The following SCNN1A variants were observed in gnomAD, a reference collection of about 807,000 sequenced individuals.
SCNN1A encodes the protein sodium channel epithelial 1 subunit alpha, also known as epithelial sodium channel subunit alpha.
A neutral mutation model predicts 68.6 loss-of-function variants in SCNN1A; 65 were observed. The ratio of observed to expected loss-of-function variants is 0.95; its 90% CI spans 0.78 to 1.16. SCNN1A has a LOEUF of 1.16. Among genes scored for constraint, SCNN1A ranks in the 50% most tolerant of loss-of-function variants. The pLI is 0.00. For missense variants in SCNN1A, 880 were observed against 865.9 expected, an observed-to-expected ratio of 1.02 and a Z score of -0.20; for synonymous variants, 357 against 353.3, an observed-to-expected ratio of 1.01 and a Z score of -0.12.
chr12:6,364,432 C>T (rs1217490369), intron 2 of SCNN1A, among the ~76,000 whole-genome samples: 2 of 152,114 alleles, frequency 1.3e-5, no homozygotes, highest in African/African-American at 4.8e-5. Flanking sequence ...AACAAGGTTG[C>T]AGGGTACACA....
intron 8 of SCNN1A, chr12:6,349,850 C>T (rs1043765890): frequency 1.1e-5 from 2 of 178,826 alleles, no homozygotes; most frequent in South Asian, 9.8e-5. Context: ...CATCAGCCTC[C>T]GGAGTAGCTG....
chr12:6,352,999 G>C (rs1948415261), intron 8 of SCNN1A, among the ~76,000 whole-genome samples: 1 of 152,232 alleles, frequency 6.6e-6, no homozygotes, highest in African/African-American at 2.4e-5. Flanking sequence ...GGAACTGCAG[G>C]GGGAACAGGC....
chr12:6,377,106 T>A (rs1948925425), upstream of SCNN1A: 6 of 610,018 alleles, frequency 9.8e-6, no homozygotes, highest in Non-Finnish European at 1.7e-5. Context: ...AAGCAAGGAG[T>A]TTAGCAGGCA....
At chr12:6,371,929 T>C (rs1565486959) in intron 2 of SCNN1A, among the ~76,000 whole-genome samples, 1 of 152,122 alleles carries the variant, frequency 6.6e-6, no homozygotes, top group Non-Finnish European at 1.5e-5. Context: ...CCCAAGTAGC[T>C]GGGACTACAG....
chr12:6,375,745 TG>T, upstream of SCNN1A: 2 of 1,412,890 alleles, frequency 1.4e-6, no homozygotes, highest in South Asian at 1.5e-5. Context: ...GCAAGGAGGC[TG>T]GGGGACAGGA....
chr12:6,356,927 G>T (rs1241810883), intron 4 of SCNN1A, among the ~76,000 whole-genome samples: 1 of 152,192 alleles, frequency 6.6e-6, no homozygotes, highest in Non-Finnish European at 1.5e-5. Context: ...GCAGGTCATT[G>T]TTTCTAAGCT....
Position 6,355,400 on chromosome 12 carries a change from A to C in SCNN1A, c.1015T>G (p.Phe339Val), listed in dbSNP as rs764889782. 2 of 1,614,060 alleles carry C rather than the reference A, an allele frequency of 1.2e-6. No homozygotes were observed. Among genetic ancestry groups the C allele is most frequent in the South Asian group, 2.2e-5 (2 of 91,050 alleles). Residue 339 changes from phenylalanine (F) to valine (V), a missense_variant, in exon 6 of 13, where the codon TTC (phenylalanine) becomes GTC (valine). By Grantham distance (50) the Phe-to-Val change is conservative. Transcript: ENST00000228916. ...SLMLRAEQNDFIPLLSTVTGA... is the reference protein window; with the variant it reads ...SLMLRAEQNDVIPLLSTVTGA... ...GTCACTGTGGACAGCAGGGGAATGA[A>C]GTCATTCTGCTCTGCGCGCAGCATC...
In SCNN1A at chr12:6,374,297, T is replaced by G. The variant is rs3741914; in HGVS notation, c.416+71A>C. The G allele has an allele frequency of 1.8e-5, 27 of 1,517,560 alleles. No individual in the cohort carries two copies. The highest frequency in any genetic ancestry group is 2.3e-5 in the Non-Finnish European group (26 of 1,110,634). The allele number at this position is 1,517,560 out of a possible 1,614,324, so 94.0% of individuals were successfully genotyped here. A position where few individuals can be genotyped will look rare whatever the true frequency, so the allele number is the denominator to read the frequency against. ...CAGGTCTGAGGCTCTGCCTGCCCAG[T>G]GAGCACCTCAGCACCCTGGACCACC... On this transcript the variant is annotated intron_variant, in intron 2 of 12. Transcript: ENST00000228916. The surrounding 1 kb of genome is among the most constrained non-coding windows in gnomAD (Gnocchi z 6.2).
Position 6,354,928 on chromosome 12 carries a change from G to T in SCNN1A, c.1144-80C>A. On this transcript the variant is annotated intron_variant, in intron 6 of 12. Transcript: ENST00000228916. ...CTCTGCCTTCCCTCAGTTCCAGGTT[G>T]TATCTCACACCTGCCAGCCCCTCCT... The T allele has an allele frequency of 5.1e-6, 6 of 1,174,772 alleles. No individual in the cohort carries two copies. The South Asian group carries it at 7.3e-5, about 14-fold the overall frequency. 72.8% of individuals were successfully genotyped at this position (1,174,772 alleles called of 1,614,324 possible). A position where few individuals can be genotyped will look rare whatever the true frequency, so the allele number is the denominator to read the frequency against.
chr12:6,363,948 AAGGAGAGAGGC>A, intron 2 of SCNN1A: 2 of 394,672 alleles, frequency 5.1e-6, no homozygotes, highest in Non-Finnish European at 9.0e-6. Flanking sequence ...CTGTTTATTG[AAGGAGAGAGGC>A]AGGAGGCGCC....
intron 4 of SCNN1A, among the ~76,000 whole-genome samples, chr12:6,359,250 T>A (rs1380710653): frequency 2.6e-5 from 4 of 152,190 alleles, no homozygotes; most frequent in Non-Finnish European, 4.4e-5. Context: ...GGTTTGTAAA[T>A]TATATCTCAA....
rs759199380 is a variant in SCNN1A at position 6,355,477 on chromosome 12, C to A, written c.980-42G>T. ...AGCAGAGTTGGCAGAGGCGGGAATC[C>A]TAGAAAAGAGTTAGGAGATGGAAAT... On this transcript the variant is annotated intron_variant, in intron 5 of 12. Transcript: ENST00000228916. The A allele has an allele frequency of 9.3e-6, 15 of 1,605,214 alleles. No homozygotes were observed. The South Asian group carries it at 1.6e-4, about 17-fold the overall frequency.
At position 6,349,175 on chromosome 12, in the gene SCNN1A, C is replaced by T. The variant is rs200923755; in HGVS notation, c.1486G>A (p.Val496Met). 2.5e-6 allele frequency: 4 copies of T among 1,613,962 alleles called. No individual in the cohort carries two copies. The highest frequency in any genetic ancestry group is 3.4e-6 in the Non-Finnish European group (4 of 1,180,018). The change falls in exon 10 of 13, where the codon GTG (valine) becomes ATG (methionine). Residue 496 changes from valine (V) to methionine (M), a missense_variant. By Grantham distance (21) the Val-to-Met change is conservative. Coordinates refer to ENST00000228916, the MANE Select transcript of SCNN1A (RefSeq NM_001038.6). ...TCCCCACACTCTACCTGGGATGTCACCGAGGGCCATCGTGAGTAACCAGCA... is the reference window on the plus strand; with the variant it reads ...TCCCCACACTCTACCTGGGATGTCATCGAGGGCCATCGTGAGTAACCAGCA... ...LSAGYSRWPS[V>M]TSQEWVFQML...
intron 8 of SCNN1A, chr12:6,349,771 C>G (rs571423037): frequency 4.5e-5 from 11 of 247,186 alleles, no homozygotes; most frequent in South Asian, 9.2e-5. Flanking sequence ...CTGTTGCCCA[C>G]GCTAGAGTGC....
chr12:6,357,208 C>T lies in SCNN1A; in HGVS notation c.876-1328G>A, dbSNP rs1948511464. On this transcript the variant is annotated intron_variant, in intron 4 of 12. Transcript: ENST00000228916. Reference sequence around the variant, plus strand: ...GGACAAGTATAATGGTGGGTGCTGCCCCCATGGAAAGCAGGCACAAGTTCC... The same window carrying T: ...GGACAAGTATAATGGTGGGTGCTGCTCCCATGGAAAGCAGGCACAAGTTCC... Among the ~76,000 whole-genome samples the T allele has an allele frequency of 1.3e-5, 2 of 152,078 alleles. 1 individual carries two copies. Among genetic ancestry groups the T allele is most frequent in the South Asian group, 4.2e-4 (2 of 4,808 alleles).
rs376271139 is a variant in SCNN1A, at chr12:6,366,714, C to T, written c.417-3004G>A. Among the ~76,000 whole-genome samples the T allele has an allele frequency of 4.0e-3, 613 of 151,796 alleles. 4 individuals are homozygous for T. Among genetic ancestry groups the T allele is most frequent in the African/African-American group, 0.014 (568 of 41,388 alleles). ...ACTCGGGAGGCTGAGGCAGGAGAAT[C>T]GCTTGAACCCGGGAGGCGGAGGTTG... On this transcript the variant is annotated intron_variant, in intron 2 of 12. Transcript: ENST00000228916.
chr12:6,354,610 C>G (rs1948461394), intron 7 of SCNN1A, 55 bp from the exon 8 acceptor site: 2 of 1,443,784 alleles, frequency 1.4e-6, no homozygotes, highest in Non-Finnish European at 2.0e-6. Context: ...CTCAGCAGTT[C>G]TCTGCACAGA....
chr12:6,375,675 G>A (rs765963592), upstream of SCNN1A: 12 of 1,464,954 alleles, frequency 8.2e-6, no homozygotes, highest in Non-Finnish European at 1.1e-5. Flanking sequence ...GAGGGCAGGT[G>A]AACTGGGAGT....
Position 6,374,813 on chromosome 12 carries a change from G to T in SCNN1A, c.-30C>A, listed in dbSNP as rs1009687234. The T allele has an allele frequency of 6.2e-7, 1 of 1,613,950 alleles. No individual in the cohort carries two copies. Among genetic ancestry groups the T allele is most frequent in the Admixed American group, 1.7e-5 (1 of 60,016 alleles). On this transcript the variant is annotated 5_prime_UTR_variant, in exon 2 of 13. Transcript: ENST00000228916. This position sits in a 1 kb window ranked among gnomAD's most constrained non-coding sequence, Gnocchi z 6.2. ...CCTGGTATGGGCTGCAGAGGTCTAG[G>T]GTCCTGCTCCTCCAGCTTGTTCCCC... is the stretch of plus-strand genomic sequence containing the variant.
Sources: gnomAD v4.1 joint callset for allele counts (sites outside exome capture counted in the v4.1 genomes callset) on GRCh38, gnomAD v4.1.1 for gene constraint, Gnocchi (gnomAD v3.1) non-coding constraint, MANE v1.5 for transcripts, NCBI Gene and HGNC (gene_info 2026-07-23, HGNC 2026-07-21) for gene names.